Variants in SLC5A4 observed in about 807,000 individuals in gnomAD.
The protein encoded by SLC5A4 is solute carrier family 5 member 4, also known as probable glucose sensor protein SLC5A4.
In SLC5A4, 55 loss-of-function variants were observed where a neutral mutation model predicts 70.3. The ratio of observed to expected loss-of-function variants is 0.78; its 90% CI spans 0.63 to 0.98. The LOEUF is 0.98. SLC5A4 is among the 50% of genes least tolerant of loss of function. The probability of loss-of-function intolerance (pLI) is 0.00; values close to 1 mark genes in which losing one functional copy is unlikely to be tolerated. For missense variants in SLC5A4, 735 were observed against 839.2 expected (o/e 0.88, Z 1.53); for synonymous variants, 268 against 305.7 (o/e 0.88, Z 1.29).
chr22:32,280,097 C>A, the SLC5A4 span, among the ~76,000 whole-genome samples: 20 of 152,222 alleles, frequency 1.3e-4, no homozygotes, highest in Non-Finnish European at 1.9e-4. Flanking sequence ...CTCACTGCAA[C>A]CTTCACCTCC....
At chr22:32,263,355 T>A in the SLC5A4 span, among the ~76,000 whole-genome samples, 156 of 152,342 alleles carry the variant, frequency 1.0e-3, no homozygotes, top group African/African-American at 3.7e-3. Flanking sequence ...TAAACATTTG[T>A]ATGCCAACAA....
the SLC5A4 span, among the ~76,000 whole-genome samples, chr22:32,341,415 G>A: frequency 1.3e-5 from 2 of 152,170 alleles, no homozygotes; most frequent in African/African-American, 2.4e-5. Flanking sequence ...TCCCTCCTCC[G>A]AGGCTCTGCC....
chr22:32,330,155 G>A, the SLC5A4 span, among the ~76,000 whole-genome samples: 1 of 134,524 alleles, frequency 7.4e-6, no homozygotes, highest in African/African-American at 2.7e-5. Context: ...GTGCGTATTG[G>A]GGACTCTGTT....
At chr22:32,285,192 T>C in the SLC5A4 span, 2 of 152,166 alleles carry the variant, frequency 1.3e-5, no homozygotes, top group Admixed American at 1.3e-4. Flanking sequence ...TATATGCATT[T>C]TTCCCCTGTA....
chr22:32,222,250 T>C (rs1463045007), intron 13 of SLC5A4, among the ~76,000 whole-genome samples: 2 of 152,234 alleles, frequency 1.3e-5, no homozygotes, highest in Non-Finnish European at 2.9e-5. Context: ...ACAGGATTTC[T>C]TGTATTAGAT....
chr22:32,304,498 C>T, the SLC5A4 span, among the ~76,000 whole-genome samples: 2 of 152,128 alleles, frequency 1.3e-5, no homozygotes, highest in African/African-American at 2.4e-5. Context: ...AGGCTGATCT[C>T]GAACTTCTGG....
At position 32,233,025 on chromosome 22, in the gene SLC5A4, G is replaced by A; in HGVS notation, c.895C>T (p.Gln299Ter). ...ATGTCCTTGCCACACAGGCAGCGCT[G>A]CACAATGACCTGCCGGGAGAACGTG... ...WYWCTNQVIV[Q>*]RCLCGKDMSH... The change falls in exon 9 of 15, where the codon CAG (glutamine) becomes TAG (stop). Residue 299 changes from glutamine (Q) to a stop codon, truncating the protein, a stop_gained. Coordinates refer to ENST00000266086, the MANE Select transcript of SLC5A4 (RefSeq NM_014227.3). LOFTEE classifies it high-confidence loss of function. 4 of 1,613,380 alleles carry A rather than the reference G, an allele frequency of 2.5e-6. No homozygotes were observed. Among genetic ancestry groups the A allele is most frequent in the South Asian group, 2.2e-5 (2 of 90,954 alleles).
chr22:32,334,050 CAG>C, the SLC5A4 span, among the ~76,000 whole-genome samples: 1 of 125,558 alleles, frequency 8.0e-6, no homozygotes, highest in Non-Finnish European at 1.7e-5. Flanking sequence ...CACCATGCCA[CAG>C]ACTCACACAA....
chr22:32,282,394 C>T, the SLC5A4 span, among the ~76,000 whole-genome samples: 1 of 151,622 alleles, frequency 6.6e-6, no homozygotes, highest in Non-Finnish European at 1.5e-5. Context: ...CACCTGGCTG[C>T]CAGGACTCTG....
the SLC5A4 span, chr22:32,271,948 C>A: frequency 1.7e-6 from 1 of 584,256 alleles, no homozygotes; most frequent in South Asian, 1.7e-5. Context: ...TCCCACATGA[C>A]TGGCGAGGAG....
the SLC5A4 span, among the ~76,000 whole-genome samples, chr22:32,275,640 C>G: frequency 1.3e-5 from 2 of 152,112 alleles, no homozygotes; most frequent in East Asian, 3.9e-4. Flanking sequence ...GGGTTGGTTC[C>G]AAGTCTTTGC....
At chr22:32,252,694 A>T (rs1283715884) in intron 2 of SLC5A4, among the ~76,000 whole-genome samples, 2 of 152,228 alleles carry the variant, frequency 1.3e-5, no homozygotes, top group African/African-American at 4.8e-5. Context: ...TCCTTGGCCA[A>T]GCACTGCCAG....
the SLC5A4 span, among the ~76,000 whole-genome samples, chr22:32,283,741 A>G: frequency 6.6e-6 from 1 of 152,200 alleles, no homozygotes; most frequent in African/African-American, 2.4e-5. Flanking sequence ...TTTTAATAAC[A>G]TGTACTTAAT....
At chr22:32,234,740 C>T in intron 8 of SLC5A4, 133 bp downstream of exon 8, 3 of 732,936 alleles carry the variant, frequency 4.1e-6, no homozygotes, top group Non-Finnish European at 7.0e-6. Context: ...AAGGGTTTGA[C>T]TCTTTAAACG....
chr22:32,272,141 G>A, the SLC5A4 span: 2 of 690,454 alleles, frequency 2.9e-6, no homozygotes, highest in African/African-American at 1.7e-5. Flanking sequence ...ACCAGGTCAG[G>A]CTTCAAAGGC....
At chr22:32,344,242 A>G in the SLC5A4 span, among the ~76,000 whole-genome samples, 1 of 152,266 alleles carries the variant, frequency 6.6e-6, no homozygotes, top group East Asian at 1.9e-4. Context: ...TCTGAGCCAC[A>G]TTTGCCTCAG....
the SLC5A4 span, among the ~76,000 whole-genome samples, chr22:32,316,901 G>C: frequency 6.7e-6 from 1 of 149,564 alleles, no homozygotes; most frequent in African/African-American, 2.5e-5. Flanking sequence ...CAAAAGTAAG[G>C]AGATAGGGAG....
At chr22:32,299,311 TC>T in the SLC5A4 span, among the ~76,000 whole-genome samples, 1 of 151,248 alleles carries the variant, frequency 6.6e-6, no homozygotes, top group East Asian at 1.9e-4. Context: ...GTAAATTTGG[TC>T]TTTTCACATA....
intron 2 of SLC5A4, 73 bp downstream of exon 2, chr22:32,254,069 C>A (rs1927326390): frequency 1.7e-6 from 2 of 1,203,972 alleles, no homozygotes; most frequent in Non-Finnish European, 1.2e-6. Context: ...GCGTGAGACA[C>A]CGCACCCAGC....
Sources: allele counts gnomAD v4.1 joint callset (sites outside exome capture counted in the v4.1 genomes callset), GRCh38; gene constraint gnomAD v4.1.1; transcripts MANE v1.5; gene names NCBI Gene and HGNC (gene_info 2026-07-23, HGNC 2026-07-21).